Variants in ATG7 observed in about 807,000 individuals in gnomAD.
ATG7 encodes ubiquitin-like modifier-activating enzyme ATG7.
Under a neutral mutation model 82.4 loss-of-function variants are expected in ATG7, and 70 were observed. That is an observed-to-expected ratio of 0.85 (90% CI 0.70 to 1.04). The LOEUF (loss-of-function observed/expected upper bound fraction) is 1.04, where lower values mean the gene tolerates loss of function less well. ATG7 is among the 50% of genes least tolerant of loss of function. The pLI is 0.00. For synonymous variants in ATG7, 287 were observed against 313.0 expected, an observed-to-expected ratio of 0.92 and a Z score of 0.88; for missense variants, 792 against 864.3, an observed-to-expected ratio of 0.92 and a Z score of 1.05.
intron 9 of ATG7, among the ~76,000 whole-genome samples, chr3:11,320,542 C>A (rs563738594): frequency 1.8e-3 from 268 of 152,364 alleles, no homozygotes; most frequent in African/African-American, 6.0e-3. Context: ...CCCACCACAG[C>A]CTCCCAAAGT....
rs1273318517 is a variant in ATG7 at position 11,451,799 on chromosome 3, AC to A, written c.2079+24874del. On this transcript the variant is annotated intron_variant, in intron 20 of 20. Transcript: ENST00000693202. Reference sequence around the variant, plus strand: ...GTTTATAGTCTCAAAAAAAAAAAAAACAAATTAAAAAAACCCCAGGCTGCCC... The same window carrying A: ...GTTTATAGTCTCAAAAAAAAAAAAAAAAATTAAAAAAACCCCAGGCTGCCC... 7.7e-3 allele frequency among the ~76,000 whole-genome samples: 937 copies of A among 121,522 alleles called. 19 individuals are homozygous for A. Among genetic ancestry groups the A allele is most frequent in the African/African-American group, 0.03 (872 of 28,870 alleles). The allele number at this position is 121,522 out of a possible 152,430, so 79.7% of individuals were successfully genotyped here. A position where few individuals can be genotyped will look rare whatever the true frequency, so the allele number is the denominator to read the frequency against.
At chr3:11,439,760 A>G (rs2252601) in intron 20 of ATG7, among the ~76,000 whole-genome samples, 130,780 of 152,210 alleles carry the variant, frequency 0.86, 56,426 homozygotes, top group East Asian at 1. Flanking sequence ...GGAGAGAAAA[A>G]GCTTTCCAGA....
intron 20 of ATG7, among the ~76,000 whole-genome samples, chr3:11,498,226 AT>A (rs2091013199): frequency 1.3e-5 from 2 of 152,330 alleles, no homozygotes; most frequent in East Asian, 3.9e-4. Context: ...TCCAAACAGA[AT>A]TTCCAAAAAT....
At chr3:11,358,277 G>A in intron 14 of ATG7, 141 bp from the exon 15 acceptor site, 1 of 806,238 alleles carries the variant, frequency 1.2e-6, no homozygotes, top group South Asian at 1.8e-5. Context: ...AGAGGGCGTG[G>A]GAAGGGTGCA....
chr3:11,546,085 T>C (rs36078703), intron 20 of ATG7, among the ~76,000 whole-genome samples: 151,783 of 151,784 alleles, frequency 1, 75,891 homozygotes, highest in Middle Eastern at 1. Flanking sequence ...CTGCAGTGAG[T>C]TATAGATGGC....
At chr3:11,484,329 G>A (rs937759435) in intron 20 of ATG7, among the ~76,000 whole-genome samples, 34 of 152,324 alleles carry the variant, frequency 2.2e-4, no homozygotes, top group Admixed American at 1.3e-4. Flanking sequence ...AGGAGGCGGA[G>A]GCTGCAGTGA....
At chr3:11,276,570 G>A (rs57851435) in intron 1 of ATG7, among the ~76,000 whole-genome samples, 6,882 of 152,054 alleles carry the variant, frequency 0.045, 486 homozygotes, top group African/African-American at 0.15. Flanking sequence ...TCCTGCTCTC[G>A]TCCCACCACT....
intron 20 of ATG7, among the ~76,000 whole-genome samples, chr3:11,481,355 G>A (rs939249587): frequency 2.6e-5 from 4 of 152,116 alleles, no homozygotes; most frequent in Admixed American, 2.6e-4. Context: ...AAAAATTTAG[G>A]GTTCTTACAC....
chr3:11,289,868 C>T (rs1270233015), intron 3 of ATG7, among the ~76,000 whole-genome samples: 2 of 151,958 alleles, frequency 1.3e-5, no homozygotes, highest in Non-Finnish European at 2.9e-5. Flanking sequence ...CCTTTTTTTT[C>T]TCTCTCTGTA....
intron 9 of ATG7, among the ~76,000 whole-genome samples, chr3:11,326,850 C>T (rs922491588): frequency 3.9e-5 from 6 of 152,172 alleles, no homozygotes; most frequent in African/African-American, 1.2e-4. Flanking sequence ...ACTTCTCATC[C>T]GAAGCCCTCT....
At chr3:11,348,377 T>C (rs1437766578) in intron 14 of ATG7, 3 of 201,032 alleles carry the variant, frequency 1.5e-5, no homozygotes, top group East Asian at 2.9e-4. Flanking sequence ...CAGATGTGTC[T>C]GGAGTTTCTT....
chr3:11,344,795 G>C (rs945217156), intron 13 of ATG7, among the ~76,000 whole-genome samples: 1 of 152,172 alleles, frequency 6.6e-6, no homozygotes, highest in Admixed American at 6.5e-5. Context: ...CCTCAGACCA[G>C]GAGGTTGAGG....
chr3:11,344,991 A>C (rs961795217), intron 13 of ATG7, among the ~76,000 whole-genome samples: 2 of 152,240 alleles, frequency 1.3e-5, no homozygotes, highest in Admixed American at 6.5e-5. Context: ...TAGCTTTATA[A>C]AATAAACTTA....
At chr3:11,492,020 C>T (rs1344149833) in intron 20 of ATG7, among the ~76,000 whole-genome samples, 1 of 152,198 alleles carries the variant, frequency 6.6e-6, no homozygotes, top group Non-Finnish European at 1.5e-5. Flanking sequence ...GCTTTGTTTA[C>T]CTAAGCAAGC....
chr3:11,503,562 G>T (rs538775764), intron 20 of ATG7, among the ~76,000 whole-genome samples: 8 of 152,010 alleles, frequency 5.3e-5, no homozygotes, highest in African/African-American at 1.9e-4. Context: ...GTCAAGACCA[G>T]CCTGACCAAC....
At chr3:11,526,967 G>A (rs1485366218) in intron 20 of ATG7, among the ~76,000 whole-genome samples, 1 of 150,006 alleles carries the variant, frequency 6.7e-6, no homozygotes, top group African/African-American at 2.5e-5. Flanking sequence ...TTAATTTTTT[G>A]TCCTTTTATA....
At chr3:11,451,165 G>C (rs1381704189) in intron 20 of ATG7, among the ~76,000 whole-genome samples, 1 of 150,778 alleles carries the variant, frequency 6.6e-6, no homozygotes, top group Non-Finnish European at 1.5e-5. Context: ...CTTTTGAAAA[G>C]GACAGGCTGG....
At position 11,549,889 on chromosome 3, in the gene ATG7, C is replaced by T. The variant is rs188904961; in HGVS notation, c.2080-4922C>T. Among the ~76,000 whole-genome samples the T allele has an allele frequency of 3.4e-3, 524 of 152,342 alleles. 8 individuals are homozygous for T. The highest frequency in any genetic ancestry group is 3.5e-3 in the Non-Finnish European group (241 of 68,028). On this transcript the variant is annotated intron_variant, in intron 20 of 20. Coordinates refer to ENST00000693202, the MANE Select transcript of ATG7 (RefSeq NM_001349232.2). ...TCCTGCCCCACATCCTCACAGACAT[C>T]GGGCATCGCTGGCCTTTAGCTTCAG...
chr3:11,575,488 C>T, the ATG7 span, among the ~76,000 whole-genome samples: 70 of 152,250 alleles, frequency 4.6e-4, no homozygotes, highest in Admixed American at 1.3e-3. Flanking sequence ...GAAGGAGCTC[C>T]GAGGGCAAAG....
Sources: allele counts gnomAD v4.1 joint callset (sites outside exome capture counted in the v4.1 genomes callset), GRCh38; gene constraint gnomAD v4.1.1; transcripts MANE v1.5; gene names NCBI Gene and HGNC (gene_info 2026-07-23, HGNC 2026-07-21).